MACROD1: variants seen among roughly 807,000 people sequenced by gnomAD.
The protein encoded by MACROD1 is ADP-ribose glycohydrolase MACROD1.
In MACROD1, 31 loss-of-function variants were observed where a neutral mutation model predicts 41.4. The ratio of observed to expected loss-of-function variants is 0.75; its 90% confidence interval spans 0.56 to 1.01. The LOEUF is 1.01. Ranked by LOEUF, MACROD1 falls within the 50% of genes least tolerant of loss-of-function variation. The probability of loss-of-function intolerance (pLI) is 0.00; values close to 1 mark genes in which losing one functional copy is unlikely to be tolerated. For synonymous variants in MACROD1, 252 were observed against 203.4 expected, an observed-to-expected ratio of 1.24 and a Z score of -2.03; for missense variants, 473 against 460.0, an observed-to-expected ratio of 1.03 and a Z score of -0.26.
At chr11:64,017,167 C>T (rs1943093062) in intron 3 of MACROD1, among the ~76,000 whole-genome samples, 1 of 152,156 alleles carries the variant, frequency 6.6e-6, no homozygotes, top group Admixed American at 6.5e-5. Flanking sequence ...GACTGGTTTT[C>T]ACCATGTTGG....
chr11:64,140,999 G>C (rs1945404836), intron 3 of MACROD1, among the ~76,000 whole-genome samples: 1 of 152,194 alleles, frequency 6.6e-6, no homozygotes, highest in South Asian at 2.1e-4. Flanking sequence ...GCTGGGCATG[G>C]TTGCATGAGC....
At chr11:64,143,771 C>CAT (rs1470464252) in intron 3 of MACROD1, among the ~76,000 whole-genome samples, 1 of 149,316 alleles carries the variant, frequency 6.7e-6, no homozygotes, top group Non-Finnish European at 1.5e-5. Context: ...CACACACACA[C>CAT]ACACACACAC....
At chr11:64,074,835 G>C (rs1003666457) in intron 3 of MACROD1, among the ~76,000 whole-genome samples, 1 of 152,220 alleles carries the variant, frequency 6.6e-6, no homozygotes, top group Admixed American at 6.5e-5. Flanking sequence ...GAAGCCTGTG[G>C]CCTGCCTGGT....
intron 3 of MACROD1, among the ~76,000 whole-genome samples, chr11:64,041,349 A>C (rs1590826928): frequency 1.4e-5 from 2 of 144,894 alleles, no homozygotes; most frequent in East Asian, 2.1e-4. Context: ...CCACCCCTCC[A>C]CCCCCCGTGA....
intron 3 of MACROD1, among the ~76,000 whole-genome samples, chr11:64,015,763 G>A (rs1396730011): frequency 1.3e-5 from 2 of 152,112 alleles, no homozygotes; most frequent in African/African-American, 2.4e-5. Flanking sequence ...CGGGCTAAGC[G>A]CTGCCCAGGG....
chr11:64,015,782 G>A (rs1011716304), intron 3 of MACROD1, among the ~76,000 whole-genome samples: 1 of 152,078 alleles, frequency 6.6e-6, no homozygotes, highest in Non-Finnish European at 1.5e-5. Context: ...GGCCAGAGCT[G>A]GAGGACTGAG....
rs1410624513 is a variant in MACROD1, at chr11:64,122,463, T to A, written c.517+28776A>T. Among the ~76,000 whole-genome samples the A allele has an allele frequency of 6.6e-6, 1 of 150,898 alleles. No homozygotes were observed. Among genetic ancestry groups the A allele is most frequent in the Non-Finnish European group, 1.5e-5 (1 of 67,642 alleles). ...CAAAGCCCAAAGCCCACACCTGCCG[T>A]GTGCCTCTTCTCCCTCCCTCTACAC... On this transcript the variant is annotated intron_variant, in intron 3 of 10. Coordinates refer to ENST00000255681, the MANE Select transcript of MACROD1 (RefSeq NM_014067.4). The surrounding 1 kb of genome is among the most constrained non-coding windows in gnomAD (Gnocchi z 4.0).
chr11:64,055,058 C>A (rs1943759921), intron 3 of MACROD1, among the ~76,000 whole-genome samples: 1 of 152,158 alleles, frequency 6.6e-6, no homozygotes, highest in East Asian at 1.9e-4. Flanking sequence ...CTCCAGGAAG[C>A]CTTCCTAGAT....
At chr11:64,092,843 C>CCA (rs1307678496) in intron 3 of MACROD1, among the ~76,000 whole-genome samples, 1 of 152,248 alleles carries the variant, frequency 6.6e-6, no homozygotes, top group African/African-American at 2.4e-5. Context: ...GAGGTTAACA[C>CCA]GTGTCACCAA....
At chr11:64,080,362 A>C (rs1222085318) in intron 3 of MACROD1, among the ~76,000 whole-genome samples, 1 of 152,174 alleles carries the variant, frequency 6.6e-6, no homozygotes, top group Non-Finnish European at 1.5e-5. Flanking sequence ...AAACATTGAG[A>C]TATAACTCAC....
intron 3 of MACROD1, among the ~76,000 whole-genome samples, chr11:64,031,248 C>T (rs1436955268): frequency 6.6e-6 from 1 of 152,106 alleles, no homozygotes; most frequent in African/African-American, 2.4e-5. Flanking sequence ...TCTGTGCCTG[C>T]TCCTTGGGGC....
At chr11:64,125,592 G>A (rs1017594544) in intron 3 of MACROD1, among the ~76,000 whole-genome samples, 2 of 152,302 alleles carry the variant, frequency 1.3e-5, no homozygotes, top group South Asian at 2.1e-4. Flanking sequence ...ACAGAGAGGG[G>A]CTCATCTCAG....
rs975778014 is a variant in MACROD1 at position 64,096,724 on chromosome 11, C to A, written c.517+54515G>T. On this transcript the variant is annotated intron_variant, in intron 3 of 10. Coordinates refer to ENST00000255681, the MANE Select transcript of MACROD1 (RefSeq NM_014067.4). This position sits in a 1 kb window ranked among gnomAD's most constrained non-coding sequence, Gnocchi z 4.6. Reference sequence around the variant, plus strand: ...GAGCCACCGCACCCTACCCTCTCCCCCTTTTGTGCCTAGAGTTGCTCTGTG... The same window carrying A: ...GAGCCACCGCACCCTACCCTCTCCCACTTTTGTGCCTAGAGTTGCTCTGTG... Among the ~76,000 whole-genome samples the A allele has an allele frequency of 5.9e-5, 9 of 152,184 alleles. No individual in the cohort carries two copies. Among genetic ancestry groups the A allele is most frequent in the Non-Finnish European group, 1.0e-4 (7 of 68,014 alleles).
intron 1 of MACROD1, among the ~76,000 whole-genome samples, chr11:64,155,430 A>G (rs969435286): frequency 5.3e-5 from 8 of 152,112 alleles, no homozygotes; most frequent in Middle Eastern, 3.4e-3. Flanking sequence ...TGGGTTCGTG[A>G]CCTCCCAACA....
intron 1 of MACROD1, among the ~76,000 whole-genome samples, chr11:64,153,321 G>T (rs1433264525): frequency 1.3e-5 from 2 of 152,222 alleles, no homozygotes; most frequent in Non-Finnish European, 2.9e-5. Context: ...TCCCGGGATG[G>T]GGCAGCCCCC....
intron 3 of MACROD1, chr11:64,086,943 G>C (rs983727827): frequency 4.6e-5 from 7 of 152,136 alleles, no homozygotes; most frequent in African/African-American, 1.7e-4. Context: ...CCTTGATGGC[G>C]GGGTATGAAG....
At position 64,116,344 on chromosome 11, in the gene MACROD1, C is replaced by T. The variant is rs757942754; in HGVS notation, c.517+34895G>A. On this transcript the variant is annotated intron_variant, in intron 3 of 10. Transcript: ENST00000255681. ...GTCACGGCCACCGTTGTGATGACCA[C>T]GGCCACCATGGACCTGCGGGACTGG... 56 of 1,612,002 alleles carry T rather than the reference C, an allele frequency of 3.5e-5. No individual in the cohort carries two copies. In the East Asian group the frequency reaches 4.2e-4, roughly 12 times the overall value.
At chr11:64,118,443 C>T (rs1945037475) in intron 3 of MACROD1, 2 of 917,990 alleles carry the variant, frequency 2.2e-6, no homozygotes, top group Non-Finnish European at 3.1e-6. Context: ...GGAGGGCTGA[C>T]GATTTTGTAG....
chr11:64,138,650 G>T (rs889479711), intron 3 of MACROD1: 1 of 633,108 alleles, frequency 1.6e-6, no homozygotes, highest in Non-Finnish European at 2.0e-6. Flanking sequence ...CTCGGCTCTG[G>T]TTTTTACCGC....
Sources: gnomAD v4.1 joint callset for allele counts (sites outside exome capture counted in the v4.1 genomes callset) on GRCh38, gnomAD v4.1.1 for gene constraint, Gnocchi (gnomAD v3.1) non-coding constraint, MANE v1.5 for transcripts, NCBI Gene and HGNC (gene_info 2026-07-23, HGNC 2026-07-21) for gene names.